Variants in SYT1 observed in about 807,000 individuals in gnomAD.
SYT1 encodes synaptotagmin 1.
Under a neutral mutation model 44.8 loss-of-function variants are expected in SYT1, and 8 were observed. That is an observed-to-expected ratio of 0.18 (90% CI 0.10 to 0.32). The LOEUF (loss-of-function observed/expected upper bound fraction) is 0.32, where lower values mean the gene tolerates loss of function less well. SYT1 is among the 10% of genes least tolerant of loss of function. SYT1 has a pLI of 1.00. For missense variants in SYT1, 286 were observed against 509.3 expected, an observed-to-expected ratio of 0.56 and a Z score of 4.22; for synonymous variants, 154 against 188.8, an observed-to-expected ratio of 0.82 and a Z score of 1.51.
chr12:79,380,976 A>G (rs1164692897), intron 9 of SYT1, among the ~76,000 whole-genome samples: 1 of 152,188 alleles, frequency 6.6e-6, no homozygotes, highest in South Asian at 2.1e-4. Context: ...ATGTGATACT[A>G]AACACTTGAC....
chr12:79,103,901 T>C (rs149986394), intron 3 of SYT1, among the ~76,000 whole-genome samples: 5 of 152,244 alleles, frequency 3.3e-5, no homozygotes, highest in Admixed American at 2.0e-4. Flanking sequence ...AACCTTACCC[T>C]TGGGTCTGTA....
chr12:79,328,139 C>T (rs568349926), intron 8 of SYT1, among the ~76,000 whole-genome samples: 487 of 152,106 alleles, frequency 3.2e-3, no homozygotes, highest in Non-Finnish European at 5.2e-3. Context: ...AGTCCATGAA[C>T]GATATGGCTG....
intron 9 of SYT1, among the ~76,000 whole-genome samples, chr12:79,405,229 C>G (rs1885202253): frequency 6.6e-6 from 1 of 152,132 alleles, no homozygotes; most frequent in African/African-American, 2.4e-5. Flanking sequence ...TCCATATACT[C>G]TTGTGCAATC....
chr12:79,055,415 TAAAGTCC>T (rs1489180979), intron 3 of SYT1, among the ~76,000 whole-genome samples: 1 of 152,078 alleles, frequency 6.6e-6, no homozygotes, highest in East Asian at 1.9e-4. Context: ...AGAAATCATG[TAAAGTCC>T]AAAGTTAATA....
intron 3 of SYT1, among the ~76,000 whole-genome samples, chr12:79,135,107 TTTA>T (rs1043319751): frequency 1.7e-4 from 26 of 152,240 alleles, no homozygotes; most frequent in African/African-American, 5.1e-4. Context: ...CATATACTTT[TTTA>T]TTATTATTAT....
At chr12:79,231,391 A>G (rs1486238946) in intron 4 of SYT1, among the ~76,000 whole-genome samples, 4 of 152,080 alleles carry the variant, frequency 2.6e-5, no homozygotes, top group African/African-American at 9.7e-5. Flanking sequence ...ACTAAGCAAC[A>G]CTTTCATTGA....
At chr12:79,362,391 T>C (rs896776633) in intron 9 of SYT1, among the ~76,000 whole-genome samples, 41 of 152,264 alleles carry the variant, frequency 2.7e-4, no homozygotes, top group African/African-American at 9.6e-4. Flanking sequence ...GAACCATCCA[T>C]TGAAGACATT....
intron 1 of SYT1, chr12:78,868,933 T>C (rs1465818201): frequency 6.6e-6 from 1 of 151,930 alleles, no homozygotes; most frequent in African/African-American, 2.4e-5. Context: ...GTTGAAATCA[T>C]ATTTTTACAT....
chr12:79,117,457 A>G (rs1879337189), intron 3 of SYT1, among the ~76,000 whole-genome samples: 1 of 150,530 alleles, frequency 6.6e-6, no homozygotes, highest in Admixed American at 6.6e-5. Flanking sequence ...CCACACCATC[A>G]CTCTTCAAGA....
At chr12:79,070,376 A>G (rs1463235548) in intron 3 of SYT1, among the ~76,000 whole-genome samples, 1 of 152,168 alleles carries the variant, frequency 6.6e-6, no homozygotes, top group East Asian at 1.9e-4. Context: ...AAGGACAAAG[A>G]AAGTCAGATT....
chr12:79,130,925 T>C (rs771628177), intron 3 of SYT1, among the ~76,000 whole-genome samples: 4 of 152,082 alleles, frequency 2.6e-5, no homozygotes, highest in African/African-American at 9.7e-5. Context: ...AACACTATAA[T>C]AGTGATATTC....
intron 1 of SYT1, among the ~76,000 whole-genome samples, chr12:78,888,429 G>T (rs1874865058): frequency 6.6e-6 from 1 of 151,834 alleles, no homozygotes; most frequent in African/African-American, 2.4e-5. Flanking sequence ...GCTGAAGGAT[G>T]ATTTTGAAAG....
At chr12:78,990,592 T>C (rs914699233) in intron 2 of SYT1, among the ~76,000 whole-genome samples, 1 of 152,146 alleles carries the variant, frequency 6.6e-6, no homozygotes, top group African/African-American at 2.4e-5. Context: ...AGTCCAAAAT[T>C]TAGGTTCTTT....
chr12:79,000,163 AT>A (rs1182809072), intron 2 of SYT1, among the ~76,000 whole-genome samples: 4 of 151,442 alleles, frequency 2.6e-5, no homozygotes, highest in Admixed American at 6.6e-5. Flanking sequence ...GCAGAGTGCA[AT>A]TTTTTTTTCA....
chr12:79,104,814 G>A (rs1361048997), intron 3 of SYT1, among the ~76,000 whole-genome samples: 3 of 152,076 alleles, frequency 2.0e-5, no homozygotes, highest in Non-Finnish European at 4.4e-5. Flanking sequence ...AAAGAGGAGA[G>A]AATGGGGCCT....
At chr12:79,199,229 A>G (rs1873637884) in intron 3 of SYT1, among the ~76,000 whole-genome samples, 1 of 152,154 alleles carries the variant, frequency 6.6e-6, no homozygotes, top group Non-Finnish European at 1.5e-5. Flanking sequence ...ATGGACTTCT[A>G]CAAAGTGCAT....
At chr12:79,434,154 G>A (rs1215602218) in intron 9 of SYT1, among the ~76,000 whole-genome samples, 1 of 152,058 alleles carries the variant, frequency 6.6e-6, no homozygotes, top group Non-Finnish European at 1.5e-5. Flanking sequence ...CACCATTAAT[G>A]AACTAAATCA....
At chr12:79,084,697 T>C (rs1241739856) in intron 3 of SYT1, among the ~76,000 whole-genome samples, 1 of 152,148 alleles carries the variant, frequency 6.6e-6, no homozygotes, top group African/African-American at 2.4e-5. Context: ...AATCTATAAC[T>C]TTGATACCAG....
At chr12:78,973,170 A>C (rs1406830239) in intron 1 of SYT1, among the ~76,000 whole-genome samples, 1 of 152,176 alleles carries the variant, frequency 6.6e-6, no homozygotes, top group Non-Finnish European at 1.5e-5. Context: ...CATGCACAAC[A>C]TGATGTTTTG....
Sources: allele counts gnomAD v4.1 joint callset (sites outside exome capture counted in the v4.1 genomes callset), GRCh38; gene constraint gnomAD v4.1.1; transcripts MANE v1.5; gene names NCBI Gene and HGNC (gene_info 2026-07-23, HGNC 2026-07-21).